NRXN1: variants seen among roughly 807,000 people sequenced by gnomAD.
NRXN1 encodes neurexin-1.
In NRXN1, 39 loss-of-function variants were observed where a neutral mutation model predicts 150.9. The observed-to-expected ratio is 0.26, with a 90% CI of 0.20 to 0.34. The LOEUF is 0.34. NRXN1 is among the 10% of genes least tolerant of loss of function. The pLI is 1.00. For missense variants in NRXN1, 1,815 were observed against 1,949.9 expected, an observed-to-expected ratio of 0.93 and a Z score of 1.30; for synonymous variants, 924 against 757.0, an observed-to-expected ratio of 1.22 and a Z score of -3.62.
chr2:51,008,417 T>C (rs2105164186), intron 2 of NRXN1, among the ~76,000 whole-genome samples: 1 of 152,020 alleles, frequency 6.6e-6, no homozygotes, highest in East Asian at 1.9e-4. Flanking sequence ...ATTTTCTCCT[T>C]GCTATTTAGA....
intron 21 of NRXN1, among the ~76,000 whole-genome samples, chr2:49,984,526 G>T (rs1212394526): frequency 6.6e-6 from 1 of 152,024 alleles, no homozygotes; most frequent in African/African-American, 2.4e-5. Flanking sequence ...GAAGTGAGTG[G>T]CCAGTGAAGG....
At chr2:49,971,280 T>C (rs903025854) in intron 21 of NRXN1, among the ~76,000 whole-genome samples, 3 of 152,128 alleles carry the variant, frequency 2.0e-5, no homozygotes, top group Admixed American at 2.0e-4. Context: ...ATGAACACAT[T>C]TCATAAATTA....
intron 17 of NRXN1, among the ~76,000 whole-genome samples, chr2:50,363,188 C>A (rs1181557631): frequency 6.6e-6 from 1 of 152,146 alleles, no homozygotes; most frequent in African/African-American, 2.4e-5. Flanking sequence ...TGGACAAAGA[C>A]TGCATGACTA....
intron 5 of NRXN1, among the ~76,000 whole-genome samples, chr2:50,905,400 G>A (rs902357278): frequency 1.8e-4 from 28 of 152,230 alleles, no homozygotes; most frequent in African/African-American, 5.8e-4. Flanking sequence ...CACACAGTAG[G>A]GAGTAAGAGA....
intron 17 of NRXN1, among the ~76,000 whole-genome samples, chr2:50,262,708 G>A (rs1357383116): frequency 6.6e-6 from 1 of 151,914 alleles, no homozygotes; most frequent in East Asian, 1.9e-4. Context: ...AAAATATAAG[G>A]AAAAGTCAAA....
chr2:50,614,733 C>CAAAAAA (rs33968907), intron 8 of NRXN1, among the ~76,000 whole-genome samples: 12 of 98,200 alleles, frequency 1.2e-4, no homozygotes, highest in Middle Eastern at 8.6e-3. Context: ...ATCAGCCATT[C>CAAAAAA]AAAAAAAAAA....
chr2:50,666,875 GATGA>G (rs149259633), intron 5 of NRXN1, among the ~76,000 whole-genome samples: 1,245 of 117,838 alleles, frequency 0.011, 1 homozygote, highest in Admixed American at 0.014. Context: ...TGATGATGAT[GATGA>G]TGTGTGTGTG....
intron 17 of NRXN1, among the ~76,000 whole-genome samples, chr2:50,278,285 A>ATATTATATATATAATAT (rs1558437343): frequency 1.6e-5 from 1 of 60,716 alleles, no homozygotes; most frequent in African/African-American, 6.4e-5. Flanking sequence ...TTATATATAT[A>ATATTATATATATAATAT]ATACATATAT....
intron 2 of NRXN1, among the ~76,000 whole-genome samples, chr2:50,951,960 TA>T (rs1426324814): frequency 0.07 from 6,737 of 96,110 alleles, 488 homozygotes; most frequent in East Asian, 0.22. Flanking sequence ...TATATATATA[TA>T]TATTTTTTTT....
chr2:50,672,128 T>C (rs924387715), intron 5 of NRXN1, among the ~76,000 whole-genome samples: 3 of 151,966 alleles, frequency 2.0e-5, no homozygotes, highest in African/African-American at 7.2e-5. Flanking sequence ...TAATTTGCTA[T>C]AATACCATTA....
At chr2:50,973,711 A>C (rs1695380304) in intron 2 of NRXN1, among the ~76,000 whole-genome samples, 1 of 152,172 alleles carries the variant, frequency 6.6e-6, no homozygotes, top group Non-Finnish European at 1.5e-5. Context: ...GCAATATAAG[A>C]AAATTATATG....
chr2:50,656,226 T>C, intron 5 of NRXN1: 1 of 563,124 alleles, frequency 1.8e-6, no homozygotes. Flanking sequence ...AGTGATCTTT[T>C]TTAAACTTAA....
rs539942927 is a variant in NRXN1, at chr2:50,882,409, T to A, written c.832+39460A>T. Among the ~76,000 whole-genome samples the A allele has an allele frequency of 6.6e-5, 10 of 152,030 alleles. No individual in the cohort carries two copies. The East Asian group carries it at 1.9e-3, about 29-fold the overall frequency. ...ATGCATTATCTCTCGTTTAAAATAT[T>A]GCTTTCAGTATTTTATTTAAAGAAA... is the stretch of plus-strand genomic sequence containing the variant. On this transcript the variant is annotated intron_variant, in intron 5 of 22. Transcript: ENST00000401669.
intron 5 of NRXN1, among the ~76,000 whole-genome samples, chr2:50,625,478 T>C (rs569582454): frequency 1.3e-5 from 2 of 152,172 alleles, no homozygotes; most frequent in Admixed American, 6.6e-5. Flanking sequence ...GCTCAGAATA[T>C]TGGCTGAGCA....
chr2:50,907,436 C>A (rs62140654), intron 5 of NRXN1, among the ~76,000 whole-genome samples: 1 of 151,992 alleles, frequency 6.6e-6, no homozygotes, highest in African/African-American at 2.4e-5. Flanking sequence ...TTCATTACAG[C>A]AGTGTTGGCT....
At chr2:50,590,351 T>G (rs1289375576) in intron 8 of NRXN1, among the ~76,000 whole-genome samples, 1 of 152,156 alleles carries the variant, frequency 6.6e-6, no homozygotes, top group African/African-American at 2.4e-5. Context: ...ACAATGCTGC[T>G]TCTTTATAAT....
chr2:50,528,175 T>C, intron 12 of NRXN1, among the ~76,000 whole-genome samples: 1 of 152,164 alleles, frequency 6.6e-6, no homozygotes, highest in East Asian at 1.9e-4. Flanking sequence ...AGACGAGTAA[T>C]TTTCTATGTC....
At chr2:50,684,749 A>G (rs539900085) in intron 5 of NRXN1, among the ~76,000 whole-genome samples, 1 of 152,284 alleles carries the variant, frequency 6.6e-6, no homozygotes, top group African/African-American at 2.4e-5. Context: ...CAAGGTCCCC[A>G]GTTTAGATTG....
At chr2:50,545,464 A>G (rs1003322092) in intron 9 of NRXN1, among the ~76,000 whole-genome samples, 1 of 152,190 alleles carries the variant, frequency 6.6e-6, no homozygotes, top group African/African-American at 2.4e-5. Flanking sequence ...GGTGCTACTG[A>G]TGCCATAGTC....
Sources: gnomAD v4.1 joint callset for allele counts (sites outside exome capture counted in the v4.1 genomes callset) on GRCh38, gnomAD v4.1.1 for gene constraint, MANE v1.5 for transcripts, NCBI Gene and HGNC (gene_info 2026-07-23, HGNC 2026-07-21) for gene names.